The following SLC12A8 variants were observed in gnomAD, a reference collection of about 807,000 sequenced individuals.
The protein encoded by SLC12A8 is cation-chloride cotransporter 9.
Under a neutral mutation model 75.6 loss-of-function variants are expected in SLC12A8, and 69 were observed. The ratio of observed to expected loss-of-function variants is 0.91; its 90% confidence interval spans 0.75 to 1.11. The LOEUF is 1.11. SLC12A8 is among the 50% of genes most tolerant of loss of function. SLC12A8 has a pLI of 0.00. For missense variants in SLC12A8, 877 were observed against 896.7 expected, an observed-to-expected ratio of 0.98 and a Z score of 0.28; for synonymous variants, 365 against 372.8, an observed-to-expected ratio of 0.98 and a Z score of 0.24.
intron 5 of SLC12A8, among the ~76,000 whole-genome samples, chr3:125,165,789 C>G (rs1041307986): frequency 6.6e-6 from 1 of 152,192 alleles, no homozygotes; most frequent in African/African-American, 2.4e-5. Context: ...AGGAAGACCC[C>G]AGGCCTGGCC....
chr3:125,085,500 G>A (rs1938434065), intron 13 of SLC12A8, among the ~76,000 whole-genome samples: 1 of 152,156 alleles, frequency 6.6e-6, no homozygotes, highest in African/African-American at 2.4e-5. Flanking sequence ...GCATTTTGGG[G>A]GTTATAGTTG....
At chr3:125,140,340 C>A (rs1211700509) in intron 5 of SLC12A8, among the ~76,000 whole-genome samples, 3 of 152,210 alleles carry the variant, frequency 2.0e-5, no homozygotes, top group African/African-American at 7.2e-5. Context: ...CCGAGGGTTA[C>A]ATAGCCAGAT....
intron 2 of SLC12A8, among the ~76,000 whole-genome samples, chr3:125,205,473 C>T (rs138311115): frequency 6.5e-4 from 99 of 152,214 alleles, no homozygotes; most frequent in African/African-American, 2.3e-3. Flanking sequence ...TACAAATATG[C>T]AGCATTTGGG....
intron 5 of SLC12A8, among the ~76,000 whole-genome samples, chr3:125,170,732 G>C (rs1235316737): frequency 6.6e-6 from 1 of 152,114 alleles, no homozygotes; most frequent in Non-Finnish European, 1.5e-5. Context: ...GGCTAACACG[G>C]TGAAATCCCG....
At position 125,135,663 on chromosome 3, in the gene SLC12A8, CAATA is replaced by C; in HGVS notation, c.736+2_736+5del. 4.5e-6 allele frequency: 7 copies of C among 1,571,212 alleles called. No homozygotes were observed. Among genetic ancestry groups the C allele is most frequent in the Non-Finnish European group, 6.0e-6 (7 of 1,157,516 alleles). ...TGAGAGTAAAAAAGAACCCAGATTA[CAATA>C]CCTGTAGCCGCTGGGAAGAAAACCC... On this transcript the variant is annotated splice_donor_variant and splice_donor_5th_base_variant and intron_variant, in intron 6 of 13. Coordinates refer to ENST00000469902, the MANE Select transcript of SLC12A8 (RefSeq NM_024628.6). LOFTEE classifies it high-confidence loss of function.
chr3:125,118,780 T>C lies in SLC12A8; in HGVS notation c.901A>G (p.Ile301Val), dbSNP rs1216019744. 2 of 1,613,308 alleles carry C rather than the reference T, an allele frequency of 1.2e-6. No homozygotes were observed. Among genetic ancestry groups the C allele is most frequent in the Non-Finnish European group, 1.7e-6 (2 of 1,179,590 alleles). ...CAGGCCTCACTCACCTTTTCCGCTATCAGGAAGTCATAGCGAAGGGCCTCT... is the reference window on the plus strand; with the variant it reads ...CAGGCCTCACTCACCTTTTCCGCTACCAGGAAGTCATAGCGAAGGGCCTCT... ...TREALRYDFLIAEKVSLMGFL... is the reference protein window; with the variant it reads ...TREALRYDFLVAEKVSLMGFL... The change falls in exon 8 of 14, where the codon ATA becomes GTA. Residue 301 changes from isoleucine (I) to valine (V), a missense_variant. Transcript: ENST00000469902.
At chr3:125,090,607 T>G (rs983257547) in intron 12 of SLC12A8, among the ~76,000 whole-genome samples, 7 of 152,250 alleles carry the variant, frequency 4.6e-5, no homozygotes, top group Admixed American at 4.6e-4. Context: ...TGTTTTTAAG[T>G]GCATAAATGT....
At chr3:125,185,814 C>T (rs1325314667) in intron 4 of SLC12A8, among the ~76,000 whole-genome samples, 3 of 152,256 alleles carry the variant, frequency 2.0e-5, no homozygotes, top group Non-Finnish European at 2.9e-5. Context: ...AAACAAAGCA[C>T]AGGCACTCCA....
At chr3:125,115,184 C>T (rs1939278759) in intron 8 of SLC12A8, among the ~76,000 whole-genome samples, 1 of 152,156 alleles carries the variant, frequency 6.6e-6, no homozygotes, top group East Asian at 1.9e-4. Flanking sequence ...AACACACATA[C>T]ACCTGAGAGC....
intron 13 of SLC12A8, among the ~76,000 whole-genome samples, chr3:125,087,093 CTTTT>C (rs369422119): frequency 1.5e-5 from 2 of 131,250 alleles, no homozygotes; most frequent in African/African-American, 2.9e-5. Flanking sequence ...ATGTATTTCA[CTTTT>C]TTTTTTTTTT....
chr3:125,149,000 C>T, intron 5 of SLC12A8, among the ~76,000 whole-genome samples: 1 of 152,202 alleles, frequency 6.6e-6, no homozygotes, highest in East Asian at 1.9e-4. Context: ...TGTCGGCCCA[C>T]CCCTCAGCGG....
chr3:125,110,554 C>T, intron 8 of SLC12A8: 1 of 383,164 alleles, frequency 2.6e-6, no homozygotes, highest in African/African-American at 2.0e-5. Flanking sequence ...CAGTGGTCCT[C>T]AAATGAAGCG....
intron 2 of SLC12A8, among the ~76,000 whole-genome samples, chr3:125,191,020 T>G (rs926623589): frequency 2.0e-5 from 3 of 152,166 alleles, no homozygotes; most frequent in Admixed American, 2.0e-4. Context: ...GACAGCAGCT[T>G]CCGGCAGTTG....
chr3:125,101,310 G>A (rs1325767224), intron 10 of SLC12A8, among the ~76,000 whole-genome samples: 1 of 152,192 alleles, frequency 6.6e-6, no homozygotes, highest in East Asian at 1.9e-4. Context: ...TCAGTGCCAG[G>A]CACATAGGAT....
At chr3:125,108,798 G>A (rs933920621) in intron 9 of SLC12A8, among the ~76,000 whole-genome samples, 9 of 152,214 alleles carry the variant, frequency 5.9e-5, no homozygotes, top group African/African-American at 2.2e-4. Context: ...ATTCTTCCCA[G>A]GGAGAGGCAG....
At chr3:125,106,811 A>G (rs1939039546) in intron 10 of SLC12A8, among the ~76,000 whole-genome samples, 1 of 152,208 alleles carries the variant, frequency 6.6e-6, no homozygotes, top group Non-Finnish European at 1.5e-5. Flanking sequence ...TGTGCAAAGA[A>G]TCAGGTCAGA....
intron 5 of SLC12A8, among the ~76,000 whole-genome samples, chr3:125,160,313 T>C (rs1373505901): frequency 6.6e-6 from 1 of 152,228 alleles, no homozygotes; most frequent in East Asian, 1.9e-4. Flanking sequence ...TTCCCCACTG[T>C]AAAATGGGAA....
At position 125,120,626 on chromosome 3, in the gene SLC12A8, A is replaced by G. The variant is rs863642; in HGVS notation, c.797T>C (p.Leu266Pro). ...GATGCCAACAGCTGCCAGGGAGCCC[A>G]GGGGAATGCTGGCGGCAGGCTCCCT... Reference protein sequence around the residue: ...DLREPAASIPLGSLAAVGISW... With the variant: ...DLREPAASIPPGSLAAVGISW... Residue 266 changes from leucine to proline, a missense_variant, in exon 7 of 14, where the codon CTG becomes CCG. Physicochemically the swap from Leu to Pro is moderately conservative, Grantham distance 98. Transcript: ENST00000469902. 5,223 of 1,613,740 alleles carry G rather than the reference A, an allele frequency of 3.2e-3. 147 individuals carry two copies. In the African/African-American group the frequency reaches 0.061, roughly 19 times the overall value.
rs556643512 is a variant in SLC12A8, at chr3:125,162,177, T to G, written c.622+15566A>C. Among the ~76,000 whole-genome samples the G allele has an allele frequency of 5.2e-5, 8 of 152,402 alleles. No homozygotes were observed. The South Asian group carries it at 1.2e-3, about 24-fold the overall frequency. On this transcript the variant is annotated intron_variant, in intron 5 of 13. Transcript: ENST00000469902. ...GGCTAGGGTTCTCCACACCTCCATG[T>G]GGGTTCCAGAGCCTTTCTCTTGTAC... is the stretch of plus-strand genomic sequence containing the variant.
Sources: gnomAD v4.1 joint callset for allele counts (sites outside exome capture counted in the v4.1 genomes callset) on GRCh38, gnomAD v4.1.1 for gene constraint, MANE v1.5 for transcripts, NCBI Gene and HGNC (gene_info 2026-07-23, HGNC 2026-07-21) for gene names.